Variants in SPOCK1 observed in about 807,000 individuals in gnomAD.
SPOCK1 encodes the protein testican-1.
In SPOCK1, 23 loss-of-function variants were observed where a neutral mutation model predicts 55.3. The observed-to-expected ratio is 0.42, with a 90% CI of 0.30 to 0.59. The LOEUF (loss-of-function observed/expected upper bound fraction) is 0.59. SPOCK1 is among the 20% of genes least tolerant of loss of function. SPOCK1 has a pLI of 0.22. For missense variants in SPOCK1, 499 were observed against 552.5 expected, an observed-to-expected ratio of 0.90 and a Z score of 0.97; for synonymous variants, 226 against 221.0, an observed-to-expected ratio of 1.02 and a Z score of -0.20.
chr5:137,175,803 C>T (rs977119739), intron 3 of SPOCK1, among the ~76,000 whole-genome samples: 13 of 152,142 alleles, frequency 8.5e-5, no homozygotes, highest in Admixed American at 2.6e-4. Flanking sequence ...TCCAGCCCCA[C>T]CAATCTCCAC....
chr5:137,030,643 G>A (rs1042237043), intron 6 of SPOCK1, among the ~76,000 whole-genome samples: 3 of 152,120 alleles, frequency 2.0e-5, no homozygotes, highest in South Asian at 2.1e-4. Context: ...CCAGACCATG[G>A]GAGTATGAGT....
chr5:137,280,938 C>A (rs777274310), intron 2 of SPOCK1, among the ~76,000 whole-genome samples: 1 of 152,092 alleles, frequency 6.6e-6, no homozygotes, highest in Non-Finnish European at 1.5e-5. Flanking sequence ...CCTCAACCAT[C>A]CTTACATAGT....
intron 2 of SPOCK1, among the ~76,000 whole-genome samples, chr5:137,483,294 T>C (rs1030545468): frequency 6.6e-6 from 1 of 152,138 alleles, no homozygotes; most frequent in Non-Finnish European, 1.5e-5. Context: ...GATCACGCCA[T>C]TGCACTCCAG....
At chr5:137,292,793 T>A (rs899256205) in intron 2 of SPOCK1, among the ~76,000 whole-genome samples, 1 of 152,084 alleles carries the variant, frequency 6.6e-6, no homozygotes, top group African/African-American at 2.4e-5. Context: ...GAGTTGGCAA[T>A]AAGAGGTAAT....
At position 137,232,312 on chromosome 5, in the gene SPOCK1, T is replaced by G. The variant is rs1594903; in HGVS notation, c.232+34698A>C. Among the ~76,000 whole-genome samples the G allele has an allele frequency of 6.9e-3, 1,052 of 152,318 alleles. 11 individuals carry two copies. The highest frequency in any genetic ancestry group is 0.023 in the African/African-American group (970 of 41,560). On this transcript the variant is annotated intron_variant, in intron 3 of 10. Coordinates refer to ENST00000394945, the MANE Select transcript of SPOCK1 (RefSeq NM_004598.4). ...TAATGTTTTTTTCCTAAAAGTTGTATAGTTTTAAATTTTACATTTAAGTTC... is the reference window on the plus strand; with the variant it reads ...TAATGTTTTTTTCCTAAAAGTTGTAGAGTTTTAAATTTTACATTTAAGTTC...
At chr5:137,476,288 C>T (rs185939825) in intron 2 of SPOCK1, among the ~76,000 whole-genome samples, 1 of 152,164 alleles carries the variant, frequency 6.6e-6, no homozygotes, top group Non-Finnish European at 1.5e-5. Flanking sequence ...AGATGGTGAC[C>T]TGTGGCAGGT....
chr5:137,098,380 G>A (rs1412918898), intron 5 of SPOCK1, among the ~76,000 whole-genome samples: 1 of 152,154 alleles, frequency 6.6e-6, no homozygotes, highest in African/African-American at 2.4e-5. Flanking sequence ...ATTTACATAT[G>A]TGTCTTCCTC....
At chr5:137,409,338 T>C (rs1752163634) in intron 2 of SPOCK1, among the ~76,000 whole-genome samples, 1 of 152,150 alleles carries the variant, frequency 6.6e-6, no homozygotes. Context: ...GCCATGGGTT[T>C]GGGGAATCGC....
chr5:137,240,222 T>C (rs1756256305), intron 3 of SPOCK1, among the ~76,000 whole-genome samples: 1 of 152,190 alleles, frequency 6.6e-6, no homozygotes, highest in Non-Finnish European at 1.5e-5. Flanking sequence ...CTTGCATTGC[T>C]ATAAAGAAAT....
chr5:137,215,676 C>T lies in SPOCK1; in HGVS notation c.232+51334G>A, dbSNP rs373738442. Among the ~76,000 whole-genome samples, 11 of 152,186 alleles carry T rather than the reference C, an allele frequency of 7.2e-5. No homozygotes were observed. In the East Asian group the frequency reaches 9.6e-4, roughly 13 times the overall value. ...GATTGCTTCAGGCCATACTCCCAAA[C>T]CTCCCAGCAATAGGGTTCATGTTCC... On this transcript the variant is annotated intron_variant, in intron 3 of 10. Coordinates refer to ENST00000394945, the MANE Select transcript of SPOCK1 (RefSeq NM_004598.4).
chr5:137,322,551 G>GTCACAA (rs1757999268), intron 2 of SPOCK1, among the ~76,000 whole-genome samples: 1 of 152,034 alleles, frequency 6.6e-6, no homozygotes, highest in Admixed American at 6.6e-5. Context: ...CAAAACAGAG[G>GTCACAA]GGAGAAGTCA....
At chr5:137,399,225 C>G (rs1349655850) in intron 2 of SPOCK1, among the ~76,000 whole-genome samples, 3 of 152,128 alleles carry the variant, frequency 2.0e-5, no homozygotes, top group Non-Finnish European at 4.4e-5. Flanking sequence ...ACCTAGTAAC[C>G]TTAATAACTA....
intron 3 of SPOCK1, among the ~76,000 whole-genome samples, chr5:137,231,901 C>T (rs762210680): frequency 6.6e-6 from 1 of 152,226 alleles, no homozygotes; most frequent in African/African-American, 2.4e-5. Context: ...TTTAGCCATT[C>T]TGTTAGGTGT....
chr5:137,343,542 C>T (rs1046141980), intron 2 of SPOCK1, among the ~76,000 whole-genome samples: 4 of 152,218 alleles, frequency 2.6e-5, no homozygotes, highest in Non-Finnish European at 5.9e-5. Flanking sequence ...TCACTGCTTC[C>T]AACCCACTCA....
chr5:137,097,097 G>A (rs1345319141), intron 5 of SPOCK1, among the ~76,000 whole-genome samples: 1 of 152,192 alleles, frequency 6.6e-6, no homozygotes, highest in African/African-American at 2.4e-5. Context: ...CAGTAATGTA[G>A]TACTAGTACT....
intron 2 of SPOCK1, among the ~76,000 whole-genome samples, chr5:137,460,466 C>T (rs553036250): frequency 1.3e-5 from 2 of 152,142 alleles, no homozygotes; most frequent in South Asian, 4.1e-4. Flanking sequence ...GCTCAGCAGC[C>T]GCTCCCTGCC....
intron 2 of SPOCK1, among the ~76,000 whole-genome samples, chr5:137,434,532 A>T (rs900933700): frequency 1.7e-5 from 2 of 116,642 alleles, no homozygotes; most frequent in Non-Finnish European, 3.2e-5. Context: ...TCGCTCTGTC[A>T]CACAGGCTGC....
At chr5:137,253,325 T>C (rs1180287136) in intron 3 of SPOCK1, among the ~76,000 whole-genome samples, 1 of 152,328 alleles carries the variant, frequency 6.6e-6, no homozygotes, top group South Asian at 2.1e-4. Flanking sequence ...CTTACTCCCT[T>C]GTATTTGCAA....
chr5:137,084,892 A>G (rs1277616564), intron 5 of SPOCK1, among the ~76,000 whole-genome samples: 1 of 150,318 alleles, frequency 6.7e-6, no homozygotes. Flanking sequence ...ATATCCCTCT[A>G]AGGAAGCAAA....
Sources: allele counts gnomAD v4.1 joint callset (sites outside exome capture counted in the v4.1 genomes callset), GRCh38; gene constraint gnomAD v4.1.1; transcripts MANE v1.5; gene names NCBI Gene and HGNC (gene_info 2026-07-23, HGNC 2026-07-21).